Variants in SMC3 observed in about 807,000 individuals in gnomAD.
SMC3 encodes structural maintenance of chromosomes 3.
In SMC3, 20 loss-of-function variants were observed where a neutral mutation model predicts 171.8. That is an observed-to-expected ratio of 0.12 (90% CI 0.08 to 0.17). The LOEUF is 0.17. Ranked by LOEUF, SMC3 falls within the 10% of genes least tolerant of loss-of-function variation. The pLI, the probability that SMC3 is intolerant of heterozygous loss-of-function variation, is 1.00. For synonymous variants in SMC3, 464 were observed against 451.1 expected, an observed-to-expected ratio of 1.03 and a Z score of -0.36; for missense variants, 543 against 1,420.4, an observed-to-expected ratio of 0.38 and a Z score of 9.93.
chr10:110,584,538 GCA>G, intron 13 of SMC3, 142 bp downstream of exon 13: 1 of 641,536 alleles, frequency 1.6e-6, no homozygotes, highest in Non-Finnish European at 2.7e-6. Context: ...GAAAAGGCCT[GCA>G]CAGTTTAATA....
chr10:110,578,716 TTGTA>T lies in SMC3; in HGVS notation c.429+14_429+17del. The T allele has an allele frequency of 1.3e-6, 2 of 1,565,852 alleles. No homozygotes were observed. Among genetic ancestry groups the T allele is most frequent in the East Asian group, 4.5e-5 (2 of 44,500 alleles). On this transcript the variant is annotated intron_variant, in intron 7 of 28. Transcript: ENST00000361804. ...TGTTAAACAAGGAAAGGTAAAACAA[TTGTA>T]TGTCCTTTTTAAGTAGAATTTGTTT...
At chr10:110,572,275 G>A (rs1485501972) in intron 2 of SMC3, among the ~76,000 whole-genome samples, 3 of 152,078 alleles carry the variant, frequency 2.0e-5, no homozygotes, top group Admixed American at 2.0e-4. Context: ...CATAATCACA[G>A]TACAATTTAC....
In SMC3 at chr10:110,601,007, T is replaced by A; in HGVS notation, c.2536-15T>A. The stretch of plus-strand genomic sequence containing the variant: ...TAACATTTGAAACTAATGGAATTTG[T>A]ATTTTTTGTTACAGGAACTTAATGA... On this transcript the variant is annotated splice_polypyrimidine_tract_variant and intron_variant, in intron 22 of 28. Coordinates refer to ENST00000361804, the MANE Select transcript of SMC3 (RefSeq NM_005445.4). 1 of 1,588,000 alleles carries A rather than the reference T, an allele frequency of 6.3e-7. No individual in the cohort carries two copies. The highest frequency in any genetic ancestry group is 8.6e-7 in the Non-Finnish European group (1 of 1,156,490).
At chr10:110,589,734 A>C (rs778257982) in intron 14 of SMC3, 26 bp downstream of exon 14, 1 of 1,479,320 alleles carries the variant, frequency 6.8e-7, no homozygotes, top group Non-Finnish European at 9.4e-7. Context: ...AATGTGCATT[A>C]ATGTTTTCAG....
chr10:110,589,572 A>C, intron 13 of SMC3, 33 bp from the exon 14 acceptor site: 1 of 1,403,312 alleles, frequency 7.1e-7, no homozygotes, highest in East Asian at 2.4e-5. Context: ...AGTTTCATGA[A>C]ATTGAATTTT....
intron 4 of SMC3, among the ~76,000 whole-genome samples, chr10:110,575,957 A>T (rs1483036163): frequency 6.6e-6 from 1 of 152,238 alleles, no homozygotes; most frequent in Non-Finnish European, 1.5e-5. Flanking sequence ...ACTAAACAAC[A>T]TACAAGTTGT....
rs1345029774 is a variant in SMC3 at position 110,582,787 on chromosome 10, G to T, written c.804+145G>T. ...GGGCTCAGGCAATCCTCTTGCCGCA[G>T]CTTCCTGAATAGCTGGAGCACAGGT... On this transcript the variant is annotated intron_variant, in intron 10 of 28. Transcript: ENST00000361804. 4.3e-6 allele frequency: 3 copies of T among 690,018 alleles called. No individual in the cohort carries two copies. The East Asian group carries it at 8.3e-5, about 19-fold the overall frequency. 42.7% of individuals were successfully genotyped at this position (690,018 alleles called of 1,614,324 possible).
intron 7 of SMC3, among the ~76,000 whole-genome samples, chr10:110,579,541 A>G (rs1168234530): frequency 2.0e-5 from 3 of 151,992 alleles, no homozygotes; most frequent in African/African-American, 7.3e-5. Flanking sequence ...CGTCCCCTCA[A>G]CCCTATGTGC....
In SMC3 at chr10:110,590,953, G is replaced by A. The variant is rs938382280; in HGVS notation, c.1671-38G>A. ...TTTGGGCAACATAGGGAGACCCTGA[G>A]TACCAATAAAGATTTGTCTTACTCT... On this transcript the variant is annotated intron_variant, in intron 16 of 28. Coordinates refer to ENST00000361804, the MANE Select transcript of SMC3 (RefSeq NM_005445.4). The A allele has an allele frequency of 3.1e-6, 5 of 1,601,750 alleles. No individual in the cohort carries two copies. The African/African-American group carries it at 5.4e-5, about 17-fold the overall frequency.
At chr10:110,600,410 TTATA>T in intron 21 of SMC3, 25 bp from the exon 22 acceptor site, 1 of 1,096,052 alleles carries the variant, frequency 9.1e-7, no homozygotes, top group Non-Finnish European at 1.4e-6. Flanking sequence ...ATGTACATGC[TTATA>T]TAGACAACTT....
chr10:110,601,049 G>C lies in SMC3; in HGVS notation c.2563G>C (p.Gly855Arg). ...ACTTAATGAGCTGAGAGAGACAGAA[G>C]GGGGTACTGTTCTCACAGCCACAAC... Reference protein sequence around the residue: ...QELNELRETEGGTVLTATTSE... With the variant: ...QELNELRETERGTVLTATTSE... The change falls in exon 23 of 29, where the codon GGG (glycine) becomes CGG (arginine). Residue 855 changes from glycine to arginine, a missense_variant. Gly to Arg is a moderately radical substitution (Grantham distance 125). Around this residue, in one of 8 missense-constraint regions of SMC3, gnomAD observed 33 missense variants for 33.6 expected, o/e 0.98. Transcript: ENST00000361804. The C allele has an allele frequency of 6.2e-7, 1 of 1,613,330 alleles. No individual in the cohort carries two copies. The highest frequency in any genetic ancestry group is 8.5e-7 in the Non-Finnish European group (1 of 1,179,400).
chr10:110,596,937 C>T (rs1038621951), intron 19 of SMC3, among the ~76,000 whole-genome samples: 43 of 150,050 alleles, frequency 2.9e-4, no homozygotes, highest in African/African-American at 1.0e-3. Flanking sequence ...AGAGTGGGGG[C>T]GGCATCAGTA....
chr10:110,581,142 A>G (rs2134723573), intron 8 of SMC3, 121 bp downstream of exon 8: 2 of 710,166 alleles, frequency 2.8e-6, no homozygotes, highest in East Asian at 2.6e-5. Flanking sequence ...TAATGCTGTT[A>G]TTAATAAAAA....
At chr10:110,590,247 T>G (rs1270039283) in intron 15 of SMC3, among the ~76,000 whole-genome samples, 165 bp from the exon 16 acceptor site, 1 of 152,256 alleles carries the variant, frequency 6.6e-6, no homozygotes, top group Non-Finnish European at 1.5e-5. Flanking sequence ...ATATAAGGTG[T>G]TACATGTAGT....
chr10:110,584,562 C>T (rs1007018111), intron 13 of SMC3, among the ~76,000 whole-genome samples, 166 bp downstream of exon 13: 1 of 151,986 alleles, frequency 6.6e-6, no homozygotes, highest in African/African-American at 2.4e-5. Flanking sequence ...ACATATAGTT[C>T]TTTTTTAAAG....
In SMC3 at chr10:110,605,440, C is replaced by T. The variant is rs1363785898; in HGVS notation, c.*1138C>T. Among the ~76,000 whole-genome samples, 1 of 152,004 alleles carries T rather than the reference C, an allele frequency of 6.6e-6. No homozygotes were observed. Among genetic ancestry groups the T allele is most frequent in the Non-Finnish European group, 1.5e-5 (1 of 67,978 alleles). ...CCTTTAATTTCTTTTTCTTGATTTC[C>T]CCTGGCCTGAGTTTATACTGGTTAT... On this transcript the variant is annotated 3_prime_UTR_variant, in exon 29 of 29. Transcript: ENST00000361804.
intron 20 of SMC3, among the ~76,000 whole-genome samples, chr10:110,598,754 C>T (rs948689976): frequency 3.3e-5 from 5 of 152,102 alleles, no homozygotes; most frequent in African/African-American, 7.2e-5. Context: ...TTCTTAAACC[C>T]ATGGATACCC....
At position 110,593,075 on chromosome 10, in the gene SMC3, T is replaced by C. The variant is rs1459052797; in HGVS notation, c.1815T>C (p.Asp605=). 2 of 1,613,382 alleles carry C rather than the reference T, an allele frequency of 1.2e-6. No individual in the cohort carries two copies. The highest frequency in any genetic ancestry group is 2.7e-5 in the African/African-American group (2 of 75,032). ...TGTTGACAAAATTTCATTTTTAGGA[T>C]GCTATTCCTATGATCAGCAAACTGA... ...VRDTAYPETN[D]AIPMISKLRY... The change falls in exon 18 of 29, where the codon GAT becomes GAC. Residue 605 remains aspartate, a splice_region_variant and synonymous_variant. Coordinates refer to ENST00000361804, the MANE Select transcript of SMC3 (RefSeq NM_005445.4).
At chr10:110,569,129 T>A in intron 2 of SMC3, 116 bp downstream of exon 2, 1 of 735,436 alleles carries the variant, frequency 1.4e-6, no homozygotes, top group Non-Finnish European at 2.4e-6. Context: ...TAAGTTATAT[T>A]TTTCTGCGTG....
Sources: allele counts gnomAD v4.1 joint callset (sites outside exome capture counted in the v4.1 genomes callset), GRCh38; gene constraint gnomAD v4.1.1; regional missense constraint gnomAD v4.1.1; transcripts MANE v1.5; gene names NCBI Gene and HGNC (gene_info 2026-07-23, HGNC 2026-07-21).